Variants in WDR44 observed in about 807,000 individuals in gnomAD.
WDR44 encodes WD repeat domain 44, also known as WD repeat-containing protein 44.
Under a neutral mutation model 65.7 loss-of-function variants are expected in WDR44, and 9 were observed. The observed-to-expected ratio is 0.14, with a 90% confidence interval of 0.08 to 0.24. The LOEUF (loss-of-function observed/expected upper bound fraction) is 0.24. Ranked by LOEUF, WDR44 falls within the 10% of genes least tolerant of loss-of-function variation. WDR44 has a pLI of 1.00. For missense variants in WDR44, 425 were observed against 670.9 expected (o/e 0.63, Z 4.05); for synonymous variants, 220 against 235.2 (o/e 0.94, Z 0.59).
chrX:118,444,773 T>C (rs1184312955), intron 19 of WDR44, among the ~76,000 whole-genome samples: 20 of 109,606 alleles, frequency 1.8e-4, no homozygotes, highest in Non-Finnish European at 3.6e-4. Flanking sequence ...CTAATTTTTG[T>C]ATTTTTTGTA....
intron 1 of WDR44, among the ~76,000 whole-genome samples, chrX:118,365,485 C>T (rs917258521): frequency 2.8e-5 from 3 of 107,783 alleles, no homozygotes; most frequent in Non-Finnish European, 5.7e-5. Context: ...CCAGCCTAAG[C>T]AGCAGAGCAA....
intron 1 of WDR44, among the ~76,000 whole-genome samples, chrX:118,368,442 A>G (rs2056572801): frequency 2.6e-5 from 2 of 78,406 alleles, no homozygotes; most frequent in African/African-American, 1.3e-4. Context: ...AGCCACATAC[A>G]TGTTTTGAAA....
intron 1 of WDR44, among the ~76,000 whole-genome samples, chrX:118,362,654 A>G (rs2056521403): frequency 9.0e-6 from 1 of 110,547 alleles, no homozygotes; most frequent in Admixed American, 9.6e-5. Flanking sequence ...TTCCCCATTC[A>G]GTGAACACTA....
At position 118,358,790 on chromosome X, in the gene WDR44, T is replaced by C. The variant is rs2056486184; in HGVS notation, c.77+12210T>C. Among the ~76,000 whole-genome samples, 8 of 111,898 alleles carry C rather than the reference T, an allele frequency of 7.1e-5. No individual in the cohort carries two copies. The South Asian group carries it at 3.0e-3, about 42-fold the overall frequency. Reference sequence around the variant, plus strand: ...GGTAACTTACAAAACCATATTAATATGGCCAGGCATGGTGTATCACACCTG... The same window carrying C: ...GGTAACTTACAAAACCATATTAATACGGCCAGGCATGGTGTATCACACCTG... On this transcript the variant is annotated intron_variant, in intron 1 of 19. Coordinates refer to ENST00000254029, the MANE Select transcript of WDR44 (RefSeq NM_019045.5).
intron 2 of WDR44, among the ~76,000 whole-genome samples, chrX:118,385,160 C>T (rs1486667753): frequency 1.8e-5 from 2 of 111,785 alleles, no homozygotes; most frequent in African/African-American, 6.5e-5. Context: ...TGGGTATATA[C>T]CCAAAGGAAT....
At chrX:118,371,292 G>A (rs1007951340) in intron 1 of WDR44, among the ~76,000 whole-genome samples, 2 of 111,719 alleles carry the variant, frequency 1.8e-5, no homozygotes, top group African/African-American at 6.5e-5. Flanking sequence ...GTTTCCGGGG[G>A]TTGGGGGAGT....
At chrX:118,444,994 A>G in intron 19 of WDR44, 1 of 330,714 alleles carries the variant, frequency 3.0e-6, no homozygotes, top group Middle Eastern at 5.0e-4. Flanking sequence ...TTCACCTGAG[A>G]ATTAAAAATG....
intron 2 of WDR44, among the ~76,000 whole-genome samples, chrX:118,380,211 G>A (rs976340029): frequency 5.0e-4 from 56 of 111,531 alleles, no homozygotes; most frequent in Middle Eastern, 4.2e-3. Flanking sequence ...TTCCCCAGTG[G>A]TTATATCTTA....
intron 19 of WDR44, 56 bp downstream of exon 19, chrX:118,444,550 A>G: frequency 8.8e-7 from 1 of 1,139,978 alleles, no homozygotes; most frequent in Non-Finnish European, 1.2e-6. Context: ...AGCCTCATTT[A>G]TCTCATTTGA....
At chrX:118,357,702 T>C (rs1176918629) in intron 1 of WDR44, among the ~76,000 whole-genome samples, 1 of 109,890 alleles carries the variant, frequency 9.1e-6, no homozygotes, top group Non-Finnish European at 1.9e-5. Flanking sequence ...GCCAACATAG[T>C]GAAACCCTGT....
chrX:118,442,428 T>G (rs2057311396), intron 16 of WDR44, 83 bp downstream of exon 16: 1 of 980,391 alleles, frequency 1.0e-6, no homozygotes, highest in Non-Finnish European at 1.4e-6. Context: ...AAAAATGTAT[T>G]CTCTTTGTTG....
intron 7 of WDR44, among the ~76,000 whole-genome samples, chrX:118,397,509 ATAAAT>A (rs997137672): frequency 3.6e-5 from 4 of 111,441 alleles, no homozygotes; most frequent in African/African-American, 1.3e-4. Flanking sequence ...AAATAAATAA[ATAAAT>A]TAAAATAACA....
intron 1 of WDR44, among the ~76,000 whole-genome samples, chrX:118,358,255 A>G (rs2056480677): frequency 1.8e-5 from 2 of 112,591 alleles, no homozygotes; most frequent in Non-Finnish European, 3.8e-5. Flanking sequence ...AAACAGGAAG[A>G]GAACAGTAAA....
At chrX:118,394,534 A>G (rs1184135682) in intron 5 of WDR44, among the ~76,000 whole-genome samples, 2 of 110,718 alleles carry the variant, frequency 1.8e-5, no homozygotes, top group South Asian at 3.9e-4. Flanking sequence ...ACTATAGTCT[A>G]TGTTTGTCCT....
chrX:118,444,577 A>G, intron 19 of WDR44, 83 bp downstream of exon 19: 2 of 1,035,032 alleles, frequency 1.9e-6, no homozygotes, highest in Non-Finnish European at 2.6e-6. Context: ...TAAGGTTTTC[A>G]CTAGTATAAA....
chrX:118,400,681 T>A (rs2056904234), intron 8 of WDR44, among the ~76,000 whole-genome samples: 1 of 108,069 alleles, frequency 9.3e-6, no homozygotes, highest in African/African-American at 3.5e-5. Context: ...TTTTTTTTTT[T>A]ATTATACTTT....
At chrX:118,384,786 G>A (rs1375072795) in intron 2 of WDR44, among the ~76,000 whole-genome samples, 8 of 111,661 alleles carry the variant, frequency 7.2e-5, no homozygotes, top group East Asian at 2.8e-4. Context: ...CCATTTTAAC[G>A]ATATTGATTC....
chrX:118,407,005 A>G lies in WDR44; in HGVS notation c.1512A>G (p.Gln504=), dbSNP rs774847169. 1 of 1,209,451 alleles carries G rather than the reference A, an allele frequency of 8.3e-7. No individual in the cohort carries two copies. The highest frequency in any genetic ancestry group is 2.2e-5 in the Admixed American group (1 of 45,435). ...PYDFDQIKVV[Q]DLSGEHMGAV... ...ATTTTGATCAGATCAAAGTGGTGCA[A>G]GATCTTAGTGGTGAACATATGGTAA... is the stretch of plus-strand genomic sequence containing the variant. Residue 504 remains glutamine, a synonymous_variant, in exon 10 of 20, where the codon CAA becomes CAG. Transcript: ENST00000254029.
chrX:118,442,166 T>C, intron 15 of WDR44, 78 bp from the exon 16 acceptor site: 1 of 900,066 alleles, frequency 1.1e-6, no homozygotes, highest in Non-Finnish European at 1.6e-6. Flanking sequence ...CTCAGCCTCC[T>C]GAGTAGCTAG....
Sources: gnomAD v4.1 joint callset for allele counts (sites outside exome capture counted in the v4.1 genomes callset) on GRCh38, gnomAD v4.1.1 for gene constraint, MANE v1.5 for transcripts, NCBI Gene and HGNC (gene_info 2026-07-23, HGNC 2026-07-21) for gene names.